The following ASIC2 variants were observed in gnomAD, a reference collection of about 807,000 sequenced individuals.
The protein encoded by ASIC2 is acid sensing ion channel subunit 2, also known as acid-sensing ion channel 2.
In ASIC2, 25 loss-of-function variants were observed where a neutral mutation model predicts 57.3. The ratio of observed to expected loss-of-function variants is 0.44; its 90% confidence interval spans 0.32 to 0.61. The LOEUF is 0.61. ASIC2 is among the 20% of genes least tolerant of loss of function. The pLI, the probability that ASIC2 is intolerant of heterozygous loss-of-function variation, is 0.06. For synonymous variants in ASIC2, 319 were observed against 307.5 expected (o/e 1.04, Z -0.39); for missense variants, 641 against 738.1 (o/e 0.87, Z 1.52).
chr17:33,353,274 G>A (rs1190072422), intron 1 of ASIC2, among the ~76,000 whole-genome samples: 2 of 152,074 alleles, frequency 1.3e-5, no homozygotes, highest in Non-Finnish European at 2.9e-5. Context: ...CATGCCCATT[G>A]CCGTGGTGGG....
At chr17:33,711,853 A>G (rs1909046569) in intron 1 of ASIC2, among the ~76,000 whole-genome samples, 1 of 152,188 alleles carries the variant, frequency 6.6e-6, no homozygotes, top group Non-Finnish European at 1.5e-5. Context: ...GGGTGGGGAC[A>G]CAAAATCAAA....
intron 1 of ASIC2, among the ~76,000 whole-genome samples, chr17:33,543,719 C>T (rs1214658900): frequency 6.6e-6 from 1 of 152,148 alleles, no homozygotes; most frequent in African/African-American, 2.4e-5. Flanking sequence ...AGTCTTATTA[C>T]ACAAGCCTTG....
chr17:33,862,269 G>A lies in ASIC2; in HGVS notation c.555+293709C>T, dbSNP rs62057925. On this transcript the variant is annotated intron_variant, in intron 1 of 9. Transcript: ENST00000359872. ...ACACACTGTAATCAGATTTAGTTAC[G>A]TTTCAAGACTGAATGTTCAGGACCA... 6.1e-3 allele frequency among the ~76,000 whole-genome samples: 932 copies of A among 152,214 alleles called. 7 individuals carry two copies. Among genetic ancestry groups the A allele is most frequent in the Non-Finnish European group, 0.01 (697 of 68,004 alleles).
intron 1 of ASIC2, among the ~76,000 whole-genome samples, chr17:33,927,680 T>G (rs1341150245): frequency 6.6e-6 from 1 of 152,232 alleles, no homozygotes. Flanking sequence ...TTGTTGCCAT[T>G]TCATAAATGA....
chr17:33,367,664 T>G (rs1259597892), intron 1 of ASIC2, among the ~76,000 whole-genome samples: 2 of 152,196 alleles, frequency 1.3e-5, no homozygotes, highest in Non-Finnish European at 2.9e-5. Flanking sequence ...TTGGTTCTTC[T>G]CAGCATCATT....
Position 33,820,470 on chromosome 17 carries a change from T to G in ASIC2, c.555+335508A>C, listed in dbSNP as rs948420984. On this transcript the variant is annotated intron_variant, in intron 1 of 9. Coordinates refer to the ASIC2 transcript ENST00000359872. ...ATATATTGGGTTAAATAAAATACAT[T>G]ATTAGCCAGCAATTTCATATGTGAA... 2.6e-5 allele frequency among the ~76,000 whole-genome samples: 4 copies of G among 152,222 alleles called. 1 individual carries two copies. The East Asian group carries it at 7.7e-4, about 29-fold the overall frequency.
At chr17:33,163,683 G>GTTTATTC (rs1905225786) in intron 1 of ASIC2, among the ~76,000 whole-genome samples, 1 of 152,184 alleles carries the variant, frequency 6.6e-6, no homozygotes, top group African/African-American at 2.4e-5. Context: ...ACAGATGTAA[G>GTTTATTC]AATGTGGATC....
At chr17:33,464,513 TTTC>T (rs1567621039) in intron 1 of ASIC2, among the ~76,000 whole-genome samples, 1 of 45,196 alleles carries the variant, frequency 2.2e-5, no homozygotes, top group African/African-American at 9.8e-5. Flanking sequence ...TCTTTCTTTC[TTTC>T]TTTCTTTCTT....
intron 1 of ASIC2, among the ~76,000 whole-genome samples, chr17:33,523,935 T>C (rs1196687671): frequency 6.6e-6 from 1 of 152,178 alleles, no homozygotes; most frequent in Admixed American, 6.5e-5. Flanking sequence ...CCTCAGGAAA[T>C]TGATCTAATC....
chr17:33,621,716 G>A (rs886629053), intron 1 of ASIC2, among the ~76,000 whole-genome samples: 1 of 152,192 alleles, frequency 6.6e-6, no homozygotes, highest in Non-Finnish European at 1.5e-5. Context: ...CAAAGATGCA[G>A]TTCCTGGGGG....
chr17:33,587,771 T>C (rs1350402963), intron 1 of ASIC2, among the ~76,000 whole-genome samples: 4 of 152,234 alleles, frequency 2.6e-5, no homozygotes, highest in Non-Finnish European at 5.9e-5. Flanking sequence ...AGTTGTCTAC[T>C]CTCTCCCCTT....
rs188622673 is a variant in ASIC2 at position 33,127,169 on chromosome 17, G to T, written c.709-15102C>A. Among the ~76,000 whole-genome samples, 21 of 152,226 alleles carry T rather than the reference G, an allele frequency of 1.4e-4. 1 individual carries two copies. In the East Asian group the frequency reaches 3.1e-3, roughly 22 times the overall value. On this transcript the variant is annotated intron_variant, in intron 1 of 9. Coordinates refer to ENST00000225823, the MANE Select transcript of ASIC2 (RefSeq NM_183377.2). Reference sequence around the variant, plus strand: ...CAGGCGTGAGCCACCGCTCCCGGCCGCAACCCTACCATTACTCTTGTTGCT... The same window carrying T: ...CAGGCGTGAGCCACCGCTCCCGGCCTCAACCCTACCATTACTCTTGTTGCT...
chr17:33,691,599 T>C (rs34245866), intron 1 of ASIC2, among the ~76,000 whole-genome samples: 4,359 of 152,316 alleles, frequency 0.029, 208 homozygotes, highest in African/African-American at 0.099. Flanking sequence ...GAGCTACTTA[T>C]ACATTAAAGT....
chr17:33,463,678 T>TAA (rs3057622), intron 1 of ASIC2, among the ~76,000 whole-genome samples: 36,934 of 152,018 alleles, frequency 0.24, 4,557 homozygotes, highest in African/African-American at 0.27. Flanking sequence ...TCTGTGGAAC[T>TAA]AGATAGACTC....
intron 1 of ASIC2, among the ~76,000 whole-genome samples, chr17:33,947,440 T>TATGA (rs1435459577): frequency 1.3e-5 from 2 of 152,162 alleles, no homozygotes; most frequent in Non-Finnish European, 2.9e-5. Context: ...ATAAGACTCA[T>TATGA]GTACAAGGTG....
chr17:33,273,150 A>G (rs148051615), intron 1 of ASIC2, among the ~76,000 whole-genome samples: 34 of 152,364 alleles, frequency 2.2e-4, no homozygotes, highest in African/African-American at 7.2e-4. Context: ...GGAAAAAATA[A>G]AAGCTTAAGG....
At chr17:33,953,108 A>T (rs555897507) in intron 1 of ASIC2, among the ~76,000 whole-genome samples, 4 of 152,182 alleles carry the variant, frequency 2.6e-5, no homozygotes, top group Admixed American at 1.3e-4. Context: ...ATATATTTGT[A>T]TGAGATCATC....
chr17:33,809,182 C>A (rs554228781), intron 1 of ASIC2, among the ~76,000 whole-genome samples: 2 of 152,270 alleles, frequency 1.3e-5, no homozygotes, highest in South Asian at 4.1e-4. Context: ...CCTCTGTGCA[C>A]TGGCTTTGTC....
chr17:33,139,076 C>A (rs1448080674), intron 1 of ASIC2, among the ~76,000 whole-genome samples: 1 of 152,162 alleles, frequency 6.6e-6, no homozygotes, highest in Admixed American at 6.5e-5. Context: ...AATCCCTAAA[C>A]CTCCTTCCAG....
Sources: gnomAD v4.1 joint callset for allele counts (sites outside exome capture counted in the v4.1 genomes callset) on GRCh38, gnomAD v4.1.1 for gene constraint, MANE v1.5 for transcripts, NCBI Gene and HGNC (gene_info 2026-07-23, HGNC 2026-07-21) for gene names.